The following ARL1 variants were observed in gnomAD, a reference collection of about 807,000 sequenced individuals.
ARL1 encodes the protein ADP-ribosylation factor-like protein 1.
In ARL1, 17 loss-of-function variants were observed where a neutral mutation model predicts 30.1. That is an observed-to-expected ratio of 0.56 (90% CI 0.39 to 0.85). The LOEUF is 0.85. ARL1 is among the 40% of genes least tolerant of loss of function. The pLI, the probability that ARL1 is intolerant of heterozygous loss-of-function variation, is 0.00. For synonymous variants in ARL1, 58 were observed against 71.7 expected (o/e 0.81, Z 0.97); for missense variants, 102 against 212.6 (o/e 0.48, Z 3.24).
intron 5 of ARL1, 72 bp from the exon 6 acceptor site, chr12:101,395,742 T>C (rs951571508): frequency 1.2e-5 from 14 of 1,130,576 alleles, no homozygotes; most frequent in Non-Finnish European, 1.7e-5. Context: ...ATAATAAACT[T>C]TGTATTGGAG....
In ARL1 at chr12:101,407,761, G is replaced by A; in HGVS notation, c.-116C>T. 2.7e-6 allele frequency: 4 copies of A among 1,483,232 alleles called. No individual in the cohort carries two copies. The highest frequency in any genetic ancestry group is 2.8e-6 in the Non-Finnish European group (3 of 1,071,814). 91.9% of individuals were successfully genotyped at this position (1,483,232 alleles called of 1,614,324 possible). The stretch of plus-strand genomic sequence containing the variant: ...CCAGCAACTTCCACGTCGGACTCCA[G>A]GCGGGGGCGGGAGCGAGGGTCAGCT... On this transcript the variant is annotated 5_prime_UTR_variant, in exon 1 of 6. Transcript: ENST00000261636.
intron 4 of ARL1, chr12:101,400,395 GA>G (rs528819447): frequency 0.012 from 1,389 of 120,356 alleles, 18 homozygotes; most frequent in South Asian, 0.09. Flanking sequence ...CAAAAAAAAA[GA>G]AAAAAAAAAG....
chr12:101,402,987 C>T (rs1468010158), intron 2 of ARL1, 41 bp from the exon 3 acceptor site: 2 of 1,365,766 alleles, frequency 1.5e-6, no homozygotes, highest in Non-Finnish European at 2.1e-6. Context: ...TAGACTAATA[C>T]ATTCCACCTT....
At chr12:101,407,435 G>A in intron 1 of ARL1, 2 of 609,578 alleles carry the variant, frequency 3.3e-6, no homozygotes, top group Non-Finnish European at 5.5e-6. Flanking sequence ...AGGAATCAAG[G>A]GGAACCGAGA....
chr12:101,402,146 AG>A (rs1309044522), intron 3 of ARL1, among the ~76,000 whole-genome samples: 6 of 152,188 alleles, frequency 3.9e-5, no homozygotes, highest in African/African-American at 1.4e-4. Flanking sequence ...AATGCTAAGC[AG>A]AAGACCTGAA....
rs1197050385 is a variant in ARL1, at chr12:101,401,146, G to A, written c.252C>T (p.Asn84=). The A allele has an allele frequency of 6.2e-7, 1 of 1,613,302 alleles. No homozygotes were observed. Among genetic ancestry groups the A allele is most frequent in the South Asian group, 1.1e-5 (1 of 90,970 alleles). The change falls in exon 4 of 6, where the codon AAC becomes AAT. Residue 84 remains asparagine (N), a synonymous_variant. Coordinates refer to ENST00000261636, the MANE Select transcript of ARL1 (RefSeq NM_001177.6). ...IRPYWRCYYS[N]TDAVIYVVDS... ...CTACTACATAAATGACTGCATCTGT[G>A]TTTGAATAGTAACATCTCCAGTATG...
chr12:101,404,036 T>A (rs557083188), intron 2 of ARL1, among the ~76,000 whole-genome samples: 7 of 152,326 alleles, frequency 4.6e-5, no homozygotes, highest in Non-Finnish European at 8.8e-5. Context: ...AAGTCTGCAG[T>A]GGTAAGTGAT....
chr12:101,395,911 C>T (rs573143629), intron 5 of ARL1, among the ~76,000 whole-genome samples: 64 of 152,242 alleles, frequency 4.2e-4, no homozygotes, highest in African/African-American at 1.5e-3. Flanking sequence ...TACTTCTGGG[C>T]TACATATGGA....
intron 3 of ARL1, 177 bp from the exon 4 acceptor site, chr12:101,401,350 A>T (rs1871299659): frequency 2.0e-6 from 1 of 494,494 alleles, no homozygotes; most frequent in Non-Finnish European, 3.6e-6. Context: ...ATGTTGATAA[A>T]CATTGGCTGG....
At chr12:101,404,975 G>A (rs1375131110) in intron 2 of ARL1, among the ~76,000 whole-genome samples, 1 of 152,142 alleles carries the variant, frequency 6.6e-6, no homozygotes, top group Non-Finnish European at 1.5e-5. Flanking sequence ...AGGTTCAAGC[G>A]ATTCTCCTGC....
intron 2 of ARL1, chr12:101,403,322 G>C: frequency 1.8e-5 from 7 of 393,420 alleles, no homozygotes; most frequent in South Asian, 1.4e-4. Context: ...GAAATAAAAA[G>C]GAAAACATAA....
intron 1 of ARL1, among the ~76,000 whole-genome samples, chr12:101,406,716 A>C (rs1413357881): frequency 6.6e-6 from 1 of 152,354 alleles, no homozygotes; most frequent in East Asian, 1.9e-4. Context: ...AAGAGCTGCG[A>C]GTTGAAAAAT....
At chr12:101,396,954 C>G (rs1165170145) in intron 4 of ARL1, among the ~76,000 whole-genome samples, 1 of 152,000 alleles carries the variant, frequency 6.6e-6, no homozygotes, top group Non-Finnish European at 1.5e-5. Flanking sequence ...GCTAAATATG[C>G]TCTACACTAT....
rs1871344125 is a variant in ARL1 at position 101,402,953 on chromosome 12, G to T, written c.143-7C>A. 6.2e-7 allele frequency: 1 copy of T among 1,608,472 alleles called. No individual in the cohort carries two copies. The highest frequency in any genetic ancestry group is 1.3e-5 in the African/African-American group (1 of 74,916). ...TCTACATTAAATCCAATGGCTGGAA[G>T]AGAAATCAAATCAGTGGTATGTGTA... On this transcript the variant is annotated splice_region_variant and splice_polypyrimidine_tract_variant and intron_variant, in intron 2 of 5. Transcript: ENST00000261636.
At chr12:101,402,750 C>T in intron 3 of ARL1, 115 bp downstream of exon 3, 1 of 583,904 alleles carries the variant, frequency 1.7e-6, no homozygotes, top group African/African-American at 1.9e-5. Flanking sequence ...TCATTTTAAA[C>T]TAGGTGGCTC....
intron 5 of ARL1, 95 bp from the exon 6 acceptor site, chr12:101,395,765 G>T: frequency 2.4e-6 from 2 of 850,186 alleles, no homozygotes; most frequent in South Asian, 1.5e-5. Context: ...GGATTCCAAA[G>T]TACTTAAAAT....
intron 4 of ARL1, among the ~76,000 whole-genome samples, chr12:101,397,561 G>A (rs1053813715): frequency 7.3e-5 from 11 of 151,396 alleles, no homozygotes; most frequent in Admixed American, 1.3e-4. Flanking sequence ...TTGCAGTCGT[G>A]CAATCTTGGC....
At chr12:101,406,011 CA>C (rs1197490155) in intron 1 of ARL1, 30 bp from the exon 2 acceptor site, 2 of 1,524,094 alleles carry the variant, frequency 1.3e-6, no homozygotes, top group Non-Finnish European at 1.8e-6. Context: ...AAAACATACA[CA>C]ATGTCATTTT....
At chr12:101,407,475 T>A in intron 1 of ARL1, 167 bp downstream of exon 1, 1 of 839,796 alleles carries the variant, frequency 1.2e-6, no homozygotes, top group East Asian at 2.7e-5. Context: ...AGAGGCCGGA[T>A]CCACCCCTAC....
Sources: gnomAD v4.1 joint callset for allele counts (sites outside exome capture counted in the v4.1 genomes callset) on GRCh38, gnomAD v4.1.1 for gene constraint, MANE v1.5 for transcripts, NCBI Gene and HGNC (gene_info 2026-07-23, HGNC 2026-07-21) for gene names.